Variants in SRFBP1 observed in about 807,000 individuals in gnomAD.
SRFBP1 encodes the protein serum response factor-binding protein 1.
A neutral mutation model predicts 45.5 loss-of-function variants in SRFBP1; 47 were observed. That is an observed-to-expected ratio of 1.03 (90% CI 0.82 to 1.32). SRFBP1 has a LOEUF of 1.32. Among genes scored for constraint, SRFBP1 ranks in the 40% most tolerant of loss-of-function variants. SRFBP1 has a pLI of 0.00. For synonymous variants in SRFBP1, 203 were observed against 166.3 expected, an observed-to-expected ratio of 1.22 and a Z score of -1.70; for missense variants, 621 against 484.6, an observed-to-expected ratio of 1.28 and a Z score of -2.64.
chr5:122,041,491 G>A (rs979500067), intron 2 of SRFBP1, among the ~76,000 whole-genome samples: 2 of 151,748 alleles, frequency 1.3e-5, no homozygotes, highest in African/African-American at 4.8e-5. Flanking sequence ...TTAGCCCTTT[G>A]CCTACCATGC....
downstream of SRFBP1, among the ~76,000 whole-genome samples, chr5:122,030,681 A>T (rs1264190672): frequency 1.3e-5 from 2 of 152,122 alleles, no homozygotes; most frequent in African/African-American, 4.8e-5. Context: ...AAACTAAGTA[A>T]GTTAAAATAG....
intron 2 of SRFBP1, among the ~76,000 whole-genome samples, chr5:122,045,265 G>C (rs905886548): frequency 1.3e-5 from 2 of 152,162 alleles, no homozygotes; most frequent in African/African-American, 4.8e-5. Context: ...TAGATCTGTA[G>C]TATAGTTTGA....
intron 4 of SRFBP1, 69 bp from the exon 5 acceptor site, chr5:122,019,190 AT>A: frequency 7.7e-7 from 1 of 1,292,426 alleles, no homozygotes; most frequent in Non-Finnish European, 1.1e-6. Flanking sequence ...GATAGATTTT[AT>A]TTTATTCACT....
At chr5:121,987,602 C>A (rs112748239) in intron 3 of SRFBP1, among the ~76,000 whole-genome samples, 1 of 151,970 alleles carries the variant, frequency 6.6e-6, no homozygotes, top group African/African-American at 2.4e-5. Context: ...TCAAATAGAC[C>A]AAAAATTTAG....
At chr5:122,060,353 G>A (rs1339914640) in intron 2 of SRFBP1, among the ~76,000 whole-genome samples, 1 of 151,866 alleles carries the variant, frequency 6.6e-6, no homozygotes, top group East Asian at 1.9e-4. Context: ...TTTTCTCATT[G>A]GCAATATCCA....
chr5:122,076,894 T>A, downstream of SRFBP1: 1 of 1,613,978 alleles, frequency 6.2e-7, no homozygotes, highest in Non-Finnish European at 8.5e-7. Context: ...AGCCCGTACC[T>A]GGCCAGACAG....
At chr5:122,059,682 T>C (rs577845614) in intron 2 of SRFBP1, among the ~76,000 whole-genome samples, 3 of 152,218 alleles carry the variant, frequency 2.0e-5, no homozygotes, top group Non-Finnish European at 4.4e-5. Flanking sequence ...CATGGGTATT[T>C]TGCTGCACTG....
intron 2 of SRFBP1, among the ~76,000 whole-genome samples, chr5:122,047,631 C>A (rs1174086494): frequency 3.7e-3 from 568 of 152,174 alleles, no homozygotes; most frequent in Non-Finnish European, 6.2e-3. Flanking sequence ...TATAAATTAC[C>A]TTGGGCAGTA....
Position 121,962,039 on chromosome 5 carries a change from C to CA in SRFBP1, c.8dup (p.Pro4AlafsTer8). On this transcript the variant is annotated frameshift_variant, in exon 1 of 8. Coordinates refer to ENST00000339397, the MANE Select transcript of SRFBP1 (RefSeq NM_152546.3). LOFTEE classifies it high-confidence loss of function. ...TCATATTCCTTCATCTACCATGGCTCAGCCGGGAACTCTGAACCTCAATAA... is the reference window on the plus strand; with the variant it reads ...TCATATTCCTTCATCTACCATGGCTCAAGCCGGGAACTCTGAACCTCAATAA... 6.2e-7 allele frequency: 1 copy of CA among 1,614,090 alleles called. No individual in the cohort carries two copies. Among genetic ancestry groups the CA allele is most frequent in the Non-Finnish European group, 8.5e-7 (1 of 1,180,022 alleles).
intron 4 of SRFBP1, among the ~76,000 whole-genome samples, chr5:122,001,042 C>T (rs1312106702): frequency 6.6e-6 from 1 of 151,994 alleles, no homozygotes. Flanking sequence ...ATGAGATCAC[C>T]ATTAAAGGTC....
chr5:122,040,886 T>C (rs904382095), intron 2 of SRFBP1, among the ~76,000 whole-genome samples: 2 of 152,158 alleles, frequency 1.3e-5, no homozygotes, highest in Non-Finnish European at 2.9e-5. Flanking sequence ...TGACTTCACT[T>C]AGAAAGTATC....
At position 121,975,329 on chromosome 5, in the gene SRFBP1, C is replaced by G. The variant is rs1218628047; in HGVS notation, c.140C>G (p.Ala47Gly). ...ATTTTTTGCAGGGGTACTGAAGATG[C>G]ACTGTTAAAAAACCAAAGACGGGCG... Reference protein sequence around the residue: ...RLKSKKGTEDALLKNQRRAQR... With the variant: ...RLKSKKGTEDGLLKNQRRAQR... Residue 47 changes from alanine to glycine, a missense_variant, in exon 3 of 8, where the codon GCA (alanine) becomes GGA (glycine). Physicochemically the swap from Ala to Gly is moderately conservative, Grantham distance 60. Transcript: ENST00000339397. The G allele has an allele frequency of 1.9e-6, 3 of 1,612,956 alleles. No homozygotes were observed. The highest frequency in any genetic ancestry group is 3.3e-5 in the Admixed American group (2 of 59,950).
chr5:122,007,995 A>T (rs1457908069), intron 4 of SRFBP1, among the ~76,000 whole-genome samples: 2 of 150,796 alleles, frequency 1.3e-5, no homozygotes, highest in African/African-American at 4.9e-5. Context: ...TATATCCTGA[A>T]GCCACTGAGG....
chr5:122,055,416 A>G (rs1418129161), intron 2 of SRFBP1, among the ~76,000 whole-genome samples: 2 of 152,224 alleles, frequency 1.3e-5, no homozygotes, highest in African/African-American at 4.8e-5. Context: ...AGCTAGGATA[A>G]TCCCAATACT....
intron 7 of SRFBP1, among the ~76,000 whole-genome samples, chr5:122,023,763 C>T (rs890063763): frequency 9.2e-5 from 14 of 152,140 alleles, no homozygotes; most frequent in African/African-American, 3.4e-4. Context: ...TTTTCCATCC[C>T]AGGCTTGTGA....
At position 122,026,928 on chromosome 5, in the gene SRFBP1, C is replaced by A; in HGVS notation, c.1106-14C>A. ...AAGTATATAGTTATTATTATTTTTG[C>A]TTTCTCTTCCTAGATTTTCCACAGA... On this transcript the variant is annotated splice_polypyrimidine_tract_variant and intron_variant, in intron 7 of 7. Transcript: ENST00000339397. 3.2e-6 allele frequency: 5 copies of A among 1,580,032 alleles called. No homozygotes were observed. The highest frequency in any genetic ancestry group is 4.3e-6 in the Non-Finnish European group (5 of 1,161,850).
rs529007910 is a variant in SRFBP1, at chr5:122,017,090, G to A, written c.271-2170G>A. ...CTAAAAATACAAAAATCAGCTGAGC[G>A]TGGTGGCGGGTGCCTGTAGTCCCAG... is the stretch of plus-strand genomic sequence containing the variant. On this transcript the variant is annotated intron_variant, in intron 4 of 7. Coordinates refer to ENST00000339397, the MANE Select transcript of SRFBP1 (RefSeq NM_152546.3). Among the ~76,000 whole-genome samples, 84 of 152,192 alleles carry A rather than the reference G, an allele frequency of 5.5e-4. 2 individuals carry two copies. The South Asian group carries it at 0.015, about 26-fold the overall frequency.
At chr5:122,011,334 A>G (rs1753089530) in intron 4 of SRFBP1, among the ~76,000 whole-genome samples, 1 of 152,110 alleles carries the variant, frequency 6.6e-6, no homozygotes, top group Non-Finnish European at 1.5e-5. Context: ...TTGAAATGGA[A>G]GAAACTGGAG....
Position 122,020,811 on chromosome 5 carries a change from C to A in SRFBP1, c.1067+9C>A. 6.5e-7 allele frequency: 1 copy of A among 1,529,362 alleles called. No homozygotes were observed. 94.7% of individuals were successfully genotyped at this position (1,529,362 alleles called of 1,614,324 possible). A position where few individuals can be genotyped will look rare whatever the true frequency, so the allele number is the denominator to read the frequency against. On this transcript the variant is annotated intron_variant, in intron 6 of 7. Transcript: ENST00000339397. ...TCTAAAAGCTCTAGAAGGTAAGATT[C>A]TTTTTCTATTCTGAAATAATCATTA...
Sources: gnomAD v4.1 joint callset for allele counts (sites outside exome capture counted in the v4.1 genomes callset) on GRCh38, gnomAD v4.1.1 for gene constraint, MANE v1.5 for transcripts, NCBI Gene and HGNC (gene_info 2026-07-23, HGNC 2026-07-21) for gene names.